The following CA10 variants were observed in gnomAD, a reference collection of about 807,000 sequenced individuals.
The protein encoded by CA10 is carbonic anhydrase 10 (inactive).
In CA10, 14 loss-of-function variants were observed where a neutral mutation model predicts 44.2. That is an observed-to-expected ratio of 0.32 (90% confidence interval 0.21 to 0.50). The LOEUF (loss-of-function observed/expected upper bound fraction) is 0.50. Ranked by LOEUF, CA10 falls within the 20% of genes least tolerant of loss-of-function variation. CA10 has a pLI of 0.99. For missense variants in CA10, 350 were observed against 409.7 expected, an observed-to-expected ratio of 0.85 and a Z score of 1.26; for synonymous variants, 159 against 141.6, an observed-to-expected ratio of 1.12 and a Z score of -0.87.
chr17:51,875,309 C>A (rs1980020474), intron 3 of CA10, among the ~76,000 whole-genome samples: 1 of 152,104 alleles, frequency 6.6e-6, no homozygotes, highest in Non-Finnish European at 1.5e-5. Flanking sequence ...CTGTGCCCAG[C>A]CTAGAAAGGC....
chr17:51,967,607 A>G (rs1984130052), intron 2 of CA10, among the ~76,000 whole-genome samples: 1 of 151,824 alleles, frequency 6.6e-6, no homozygotes. Context: ...TAAATACTGC[A>G]TAGTCTCACT....
At chr17:51,987,055 T>C (rs1291938843) in intron 2 of CA10, among the ~76,000 whole-genome samples, 1 of 152,090 alleles carries the variant, frequency 6.6e-6, no homozygotes, top group East Asian at 1.9e-4. Flanking sequence ...TACTTGCACA[T>C]GCATGTTTAT....
intron 3 of CA10, among the ~76,000 whole-genome samples, chr17:51,908,513 C>T (rs957327965): frequency 2.6e-5 from 4 of 152,262 alleles, no homozygotes; most frequent in South Asian, 4.1e-4. Context: ...TTCCTGCCTG[C>T]TAGATTTGAT....
At chr17:52,061,737 G>A (rs1014006094) in intron 2 of CA10, among the ~76,000 whole-genome samples, 4 of 152,148 alleles carry the variant, frequency 2.6e-5, no homozygotes, top group South Asian at 2.1e-4. Flanking sequence ...TTCACCTTCC[G>A]CCATGATTGT....
chr17:51,778,861 T>G (rs150007231), intron 3 of CA10, among the ~76,000 whole-genome samples: 1 of 152,184 alleles, frequency 6.6e-6, no homozygotes, highest in East Asian at 1.9e-4. Context: ...AATAAACTGC[T>G]TAGCGGAAAC....
intron 3 of CA10, among the ~76,000 whole-genome samples, chr17:51,875,304 C>A (rs1367998006): frequency 6.6e-6 from 1 of 152,130 alleles, no homozygotes; most frequent in Admixed American, 6.6e-5. Flanking sequence ...AGGCACTGTG[C>A]CCAGCCTAGA....
chr17:52,020,046 G>A (rs1415252475), intron 2 of CA10, among the ~76,000 whole-genome samples: 1 of 151,698 alleles, frequency 6.6e-6, no homozygotes, highest in African/African-American at 2.4e-5. Flanking sequence ...ACTTAGTTTT[G>A]TCAATTTTTG....
chr17:52,088,410 A>C (rs2057522904), intron 1 of CA10, among the ~76,000 whole-genome samples: 1 of 152,160 alleles, frequency 6.6e-6, no homozygotes, highest in Non-Finnish European at 1.5e-5. Context: ...GGCTTATAGA[A>C]AAGTGACTCT....
Position 51,679,230 on chromosome 17 carries a change from G to A in CA10, c.466-25494C>T, listed in dbSNP as rs978522666. 2.0e-5 allele frequency among the ~76,000 whole-genome samples: 3 copies of A among 150,344 alleles called. No individual in the cohort carries two copies. The East Asian group carries it at 5.9e-4, about 29-fold the overall frequency. On this transcript the variant is annotated intron_variant, in intron 4 of 8. Transcript: ENST00000451037. ...TCTGGGGCAGATTCTGATTCATTATGTCTGGGGCAGGGTCTGAGACTGTTT... is the reference window on the plus strand; with the variant it reads ...TCTGGGGCAGATTCTGATTCATTATATCTGGGGCAGGGTCTGAGACTGTTT...
chr17:51,767,420 A>G (rs1438404057), intron 3 of CA10, among the ~76,000 whole-genome samples: 3 of 152,242 alleles, frequency 2.0e-5, no homozygotes, highest in East Asian at 3.8e-4. Flanking sequence ...ACAGATTTCC[A>G]TATATCCCTC....
chr17:51,778,127 G>C (rs1402968061), intron 3 of CA10, among the ~76,000 whole-genome samples: 1 of 152,048 alleles, frequency 6.6e-6, no homozygotes, highest in Non-Finnish European at 1.5e-5. Flanking sequence ...AGCTGTCTTG[G>C]GTAAAGGACA....
chr17:51,970,526 C>T (rs1311868865), intron 2 of CA10, among the ~76,000 whole-genome samples: 1 of 150,810 alleles, frequency 6.6e-6, no homozygotes, highest in Non-Finnish European at 1.5e-5. Context: ...TGTTATTACC[C>T]TGCATAATTT....
intron 4 of CA10, among the ~76,000 whole-genome samples, chr17:51,747,012 C>T (rs1179893563): frequency 6.6e-6 from 1 of 152,182 alleles, no homozygotes; most frequent in Non-Finnish European, 1.5e-5. Flanking sequence ...TACCTACACC[C>T]TACTTGTGAA....
chr17:51,635,952 C>G lies in CA10; in HGVS notation c.692G>C (p.Ser231Thr). Residue 231 changes from serine to threonine, a missense_variant, in exon 7 of 9, where the codon AGT becomes ACT. Physicochemically the swap from Ser to Thr is moderately conservative, Grantham distance 58. Transcript: ENST00000451037. The stretch of plus-strand genomic sequence containing the variant: ...CATCGACCCATCGTAAGTGATGAAA[C>G]TAGAGGTCTCTGGATATAGTTCCTC... The part of the protein sequence containing the change: ...NIEELYPETS[S>T]FITYDGSMTI... The G allele has an allele frequency of 6.2e-7, 1 of 1,609,144 alleles. No individual in the cohort carries two copies. Among genetic ancestry groups the G allele is most frequent in the Non-Finnish European group, 8.5e-7 (1 of 1,176,534 alleles).
intron 3 of CA10, among the ~76,000 whole-genome samples, chr17:51,922,589 T>G (rs1236397213): frequency 6.6e-6 from 1 of 152,176 alleles, no homozygotes; most frequent in African/African-American, 2.4e-5. Flanking sequence ...AACAATATTA[T>G]TTCTCATAAA....
At chr17:51,683,936 C>T (rs1352844239) in intron 4 of CA10, among the ~76,000 whole-genome samples, 1 of 152,186 alleles carries the variant, frequency 6.6e-6, no homozygotes, top group Non-Finnish European at 1.5e-5. Flanking sequence ...AAGCCTGGTC[C>T]CACCCTGCGG....
At chr17:51,799,100 T>G (rs1906828285) in intron 3 of CA10, among the ~76,000 whole-genome samples, 1 of 152,222 alleles carries the variant, frequency 6.6e-6, no homozygotes, top group Admixed American at 6.5e-5. Flanking sequence ...AAATGTCTTT[T>G]GCAACACAGC....
At chr17:51,847,097 CA>C (rs1256201015) in intron 3 of CA10, among the ~76,000 whole-genome samples, 1 of 152,176 alleles carries the variant, frequency 6.6e-6, no homozygotes, top group Admixed American at 6.5e-5. Context: ...TGGAGCTCAA[CA>C]TAGATTTTCT....
chr17:51,745,286 T>C (rs914397636), intron 4 of CA10, among the ~76,000 whole-genome samples: 23 of 152,184 alleles, frequency 1.5e-4, no homozygotes, highest in African/African-American at 5.5e-4. Context: ...TGGGGAAAGT[T>C]TTACAAATGT....
Sources: allele counts gnomAD v4.1 joint callset (sites outside exome capture counted in the v4.1 genomes callset), GRCh38; gene constraint gnomAD v4.1.1; transcripts MANE v1.5; gene names NCBI Gene and HGNC (gene_info 2026-07-23, HGNC 2026-07-21).